PBX3: variants seen among roughly 807,000 people sequenced by gnomAD.
The protein encoded by PBX3 is pre-B-cell leukemia transcription factor 3.
In PBX3, 14 loss-of-function variants were observed where a neutral mutation model predicts 48.5. That is an observed-to-expected ratio of 0.29 (90% confidence interval 0.19 to 0.45). The LOEUF is 0.45. PBX3 is among the 20% of genes least tolerant of loss of function. The pLI, the probability that PBX3 is intolerant of heterozygous loss-of-function variation, is 1.00. For synonymous variants in PBX3, 210 were observed against 200.3 expected, an observed-to-expected ratio of 1.05 and a Z score of -0.41; for missense variants, 386 against 546.7, an observed-to-expected ratio of 0.71 and a Z score of 2.93.
At chr9:125,841,747 T>C (rs1442107803) in intron 2 of PBX3, among the ~76,000 whole-genome samples, 1 of 152,188 alleles carries the variant, frequency 6.6e-6, no homozygotes, top group Non-Finnish European at 1.5e-5. Flanking sequence ...GTAGCCAGAA[T>C]TGATTATCTT....
chr9:125,859,953 C>T (rs10986988), intron 2 of PBX3, among the ~76,000 whole-genome samples: 8,992 of 152,206 alleles, frequency 0.059, 612 homozygotes, highest in East Asian at 0.17. Context: ...CTTGAGGGAA[C>T]TGAAAAAACA....
intron 2 of PBX3, among the ~76,000 whole-genome samples, chr9:125,788,656 T>C (rs1408944407): frequency 6.6e-6 from 1 of 152,140 alleles, no homozygotes; most frequent in African/African-American, 2.4e-5. Flanking sequence ...GCAGATTGCC[T>C]GAGCTCAGGA....
At chr9:125,780,240 C>T (rs1837223075) in intron 2 of PBX3, among the ~76,000 whole-genome samples, 4 of 129,548 alleles carry the variant, frequency 3.1e-5, no homozygotes, top group South Asian at 2.5e-4. Flanking sequence ...GGGCGGGGGG[C>T]TGAGCCCCCC....
chr9:125,780,129 T>C (rs1588138455), intron 2 of PBX3, among the ~76,000 whole-genome samples: 1 of 117,650 alleles, frequency 8.5e-6, no homozygotes, highest in African/African-American at 3.3e-5. Context: ...CACTTCCCAG[T>C]AGGGGCGGCC....
intron 5 of PBX3, among the ~76,000 whole-genome samples, chr9:125,948,291 A>G (rs1842108538): frequency 6.6e-6 from 1 of 152,238 alleles, no homozygotes; most frequent in East Asian, 1.9e-4. Flanking sequence ...CAGAATACAC[A>G]TTCTAATTTT....
chr9:125,926,141 T>C (rs902415689), intron 3 of PBX3, among the ~76,000 whole-genome samples: 1 of 152,230 alleles, frequency 6.6e-6, no homozygotes, highest in African/African-American at 2.4e-5. Context: ...AAACATCTCC[T>C]TAGGGAAAGT....
chr9:125,913,669 T>C (rs1206213220), intron 2 of PBX3, among the ~76,000 whole-genome samples: 1 of 152,170 alleles, frequency 6.6e-6, no homozygotes, highest in Non-Finnish European at 1.5e-5. Flanking sequence ...GTTAATCTGC[T>C]ATTAAAGTAC....
chr9:125,819,695 A>T (rs779838101), intron 2 of PBX3, among the ~76,000 whole-genome samples: 1 of 152,132 alleles, frequency 6.6e-6, no homozygotes, highest in Admixed American at 6.5e-5. Flanking sequence ...TTCAGTGTAC[A>T]TATATATCCA....
At chr9:125,876,100 G>A (rs1042608859) in intron 2 of PBX3, among the ~76,000 whole-genome samples, 1 of 152,120 alleles carries the variant, frequency 6.6e-6, no homozygotes, top group Non-Finnish European at 1.5e-5. Context: ...TGCTTTAAAT[G>A]TATATCATGT....
intron 2 of PBX3, among the ~76,000 whole-genome samples, chr9:125,841,242 A>C (rs960893301): frequency 6.6e-6 from 1 of 152,222 alleles, no homozygotes; most frequent in Non-Finnish European, 1.5e-5. Flanking sequence ...AAAGCCTTAG[A>C]TCTTAAACTA....
intron 5 of PBX3, among the ~76,000 whole-genome samples, chr9:125,958,903 GTCTC>G (rs1050787263): frequency 5.9e-5 from 9 of 152,180 alleles, no homozygotes; most frequent in Non-Finnish European, 1.2e-4. Context: ...CTCTCTGTCT[GTCTC>G]TCTCATGTAT....
intron 2 of PBX3, among the ~76,000 whole-genome samples, chr9:125,849,607 T>C (rs1413367877): frequency 6.6e-6 from 1 of 152,034 alleles, no homozygotes; most frequent in Non-Finnish European, 1.5e-5. Flanking sequence ...ATGCCTCTTA[T>C]AATCAATATC....
At chr9:125,849,442 C>T (rs566856829) in intron 2 of PBX3, among the ~76,000 whole-genome samples, 76 of 151,550 alleles carry the variant, frequency 5.0e-4, no homozygotes, top group Non-Finnish European at 8.7e-4. Context: ...TCCAAAGTGA[C>T]TTGAAGTGCT....
chr9:125,858,889 G>A (rs1230854704), intron 2 of PBX3, among the ~76,000 whole-genome samples: 2 of 152,148 alleles, frequency 1.3e-5, no homozygotes, highest in Admixed American at 6.5e-5. Context: ...GCCTTGCAAA[G>A]TGCTAGGATT....
At chr9:125,930,769 C>G (rs1841696068) in intron 4 of PBX3, among the ~76,000 whole-genome samples, 1 of 152,170 alleles carries the variant, frequency 6.6e-6, no homozygotes, top group Non-Finnish European at 1.5e-5. Flanking sequence ...ACTAGTCTCC[C>G]TGTCTCCAGT....
At chr9:125,805,787 T>C (rs1420969469) in intron 2 of PBX3, among the ~76,000 whole-genome samples, 1 of 152,152 alleles carries the variant, frequency 6.6e-6, no homozygotes, top group Non-Finnish European at 1.5e-5. Context: ...GGAGAAATGA[T>C]GAATTCCATT....
chr9:125,803,630 T>G (rs1462139544), intron 2 of PBX3, among the ~76,000 whole-genome samples: 1 of 152,214 alleles, frequency 6.6e-6, no homozygotes, highest in African/African-American at 2.4e-5. Flanking sequence ...TTATACTGTT[T>G]TGGCAGGAAT....
At chr9:125,956,781 C>T (rs532217462) in intron 5 of PBX3, among the ~76,000 whole-genome samples, 5 of 152,344 alleles carry the variant, frequency 3.3e-5, no homozygotes, top group South Asian at 2.1e-4. Flanking sequence ...CACAGGACAG[C>T]GTAGTCCCTT....
chr9:125,896,976 A>C (rs939839082), intron 2 of PBX3, among the ~76,000 whole-genome samples: 1 of 151,990 alleles, frequency 6.6e-6, no homozygotes, highest in Non-Finnish European at 1.5e-5. Flanking sequence ...AAGAAATTAC[A>C]TGTAATTTAA....
Sources: gnomAD v4.1 joint callset for allele counts (sites outside exome capture counted in the v4.1 genomes callset) on GRCh38, gnomAD v4.1.1 for gene constraint, MANE v1.5 for transcripts, NCBI Gene and HGNC (gene_info 2026-07-23, HGNC 2026-07-21) for gene names.